The following ACSM1 variants were observed in gnomAD, a reference collection of about 807,000 sequenced individuals.
The protein encoded by ACSM1 is acyl-CoA synthetase medium chain family member 1, also known as acyl-coenzyme A synthetase ACSM1, mitochondrial.
ACSM1 carries 79 observed loss-of-function variants against 75.8 expected under a neutral mutation model. That is an observed-to-expected ratio of 1.04 (90% CI 0.87 to 1.26). The LOEUF (loss-of-function observed/expected upper bound fraction) is 1.26. Among genes scored for constraint, ACSM1 ranks in the 50% most tolerant of loss-of-function variants. The pLI is 0.00. For synonymous variants in ACSM1, 279 were observed against 265.8 expected, an observed-to-expected ratio of 1.05 and a Z score of -0.48; for missense variants, 676 against 720.1, an observed-to-expected ratio of 0.94 and a Z score of 0.70.
chr16:20,637,408 C>A lies in ACSM1; in HGVS notation c.1160G>T (p.Gly387Val). The A allele has an allele frequency of 6.2e-7, 1 of 1,614,118 alleles. No homozygotes were observed. The highest frequency in any genetic ancestry group is 8.5e-7 in the Non-Finnish European group (1 of 1,180,004). Residue 387 changes from glycine (G) to valine (V), a missense_variant, in exon 9 of 14, where the codon GGT becomes GTT. Coordinates refer to ENST00000520010, the MANE Select transcript of ACSM1 (RefSeq NM_001318890.3). ...GGGTGGAGTGGCCTTCCCCATGAAA[C>A]CCGGCTTGATCTTCATTCCCCAGTA... ...ATYWGMKIKPGFMGKATPPYD... is the reference protein window; with the variant it reads ...ATYWGMKIKPVFMGKATPPYD...
At chr16:20,695,733 T>C (rs1171373806) in intron 1 of ACSM1, among the ~76,000 whole-genome samples, 1 of 152,168 alleles carries the variant, frequency 6.6e-6, no homozygotes. Context: ...TCTCCAAGTG[T>C]TGAGGACTGA....
chr16:20,649,555 C>T (rs2152234386), intron 7 of ACSM1, among the ~76,000 whole-genome samples: 1 of 152,310 alleles, frequency 6.6e-6, no homozygotes, highest in East Asian at 1.9e-4. Context: ...TTCTCTCTCT[C>T]TCTCTCTGAT....
chr16:20,658,477 A>G (rs946544724), intron 7 of ACSM1, among the ~76,000 whole-genome samples: 1 of 151,938 alleles, frequency 6.6e-6, no homozygotes, highest in African/African-American at 2.4e-5. Flanking sequence ...TTGACTTAAA[A>G]TCATTTCTAG....
In ACSM1 at chr16:20,625,192, T is replaced by C. The variant is rs149961640; in HGVS notation, c.1527+231A>G. The stretch of plus-strand genomic sequence containing the variant: ...CATAAGTGTTCTTAGATTACTACAT[T>C]GTGTGAGAGTTAAGTGATTTGGCAT... On this transcript the variant is annotated intron_variant, in intron 12 of 13. Coordinates refer to ENST00000520010, the MANE Select transcript of ACSM1 (RefSeq NM_001318890.3). Among the ~76,000 whole-genome samples, 26 of 152,282 alleles carry C rather than the reference T, an allele frequency of 1.7e-4. No individual in the cohort carries two copies. In the East Asian group the frequency reaches 3.9e-3, roughly 23 times the overall value.
intron 7 of ACSM1, among the ~76,000 whole-genome samples, chr16:20,642,728 C>G (rs1052523143): frequency 2.0e-5 from 3 of 152,160 alleles, no homozygotes; most frequent in Non-Finnish European, 2.9e-5. Context: ...CGTAATAGAT[C>G]AAGATGAAAA....
At chr16:20,692,538 G>C (rs1481829092) in intron 1 of ACSM1, among the ~76,000 whole-genome samples, 4 of 152,148 alleles carry the variant, frequency 2.6e-5, no homozygotes, top group Non-Finnish European at 1.5e-5. Context: ...ACGTCAGAGA[G>C]AGAGCAGGTT....
chr16:20,672,716 T>C (rs1221900707), intron 4 of ACSM1, among the ~76,000 whole-genome samples: 4 of 126,492 alleles, frequency 3.2e-5, no homozygotes, highest in African/African-American at 1.3e-4. Context: ...TACATATACA[T>C]GTATATGTAA....
intron 6 of ACSM1, among the ~76,000 whole-genome samples, chr16:20,663,328 A>G (rs1265274222): frequency 1.3e-5 from 2 of 151,732 alleles, no homozygotes; most frequent in Non-Finnish European, 2.9e-5. Flanking sequence ...TCACCTCTTT[A>G]CCCCCACATC....
chr16:20,665,293 A>C (rs114644177), intron 6 of ACSM1, among the ~76,000 whole-genome samples: 2,156 of 152,252 alleles, frequency 0.014, 54 homozygotes, highest in African/African-American at 0.05. Flanking sequence ...AAATAAGCCC[A>C]ATCGGAAATG....
chr16:20,672,486 A>ATATATATATATG (rs2019994205), intron 4 of ACSM1, among the ~76,000 whole-genome samples: 2 of 126,440 alleles, frequency 1.6e-5, no homozygotes, highest in Non-Finnish European at 3.2e-5. Context: ...ATATATATAT[A>ATATATATATATG]TATATATATA....
intron 4 of ACSM1, among the ~76,000 whole-genome samples, chr16:20,676,949 T>C (rs571300555): frequency 2.0e-5 from 3 of 152,066 alleles, no homozygotes; most frequent in African/African-American, 4.8e-5. Flanking sequence ...AGGCAGGACA[T>C]AAAGTGTCAG....
At chr16:20,668,483 T>C (rs2019699111) in intron 6 of ACSM1, among the ~76,000 whole-genome samples, 1 of 152,020 alleles carries the variant, frequency 6.6e-6, no homozygotes, top group South Asian at 2.1e-4. Context: ...GAGGCATTGA[T>C]ATAGAGGTAG....
chr16:20,668,154 G>C (rs2019676310), intron 6 of ACSM1, among the ~76,000 whole-genome samples: 1 of 152,068 alleles, frequency 6.6e-6, no homozygotes, highest in Non-Finnish European at 1.5e-5. Flanking sequence ...TGCACCCTCT[G>C]AATCAAAAAT....
At chr16:20,642,512 G>C (rs1173755137) in intron 7 of ACSM1, among the ~76,000 whole-genome samples, 2 of 152,224 alleles carry the variant, frequency 1.3e-5, no homozygotes, top group Non-Finnish European at 2.9e-5. Context: ...GGGAGACCTT[G>C]AAGCATGGCA....
At chr16:20,683,849 T>C (rs2079498936) in intron 3 of ACSM1, among the ~76,000 whole-genome samples, 1 of 152,108 alleles carries the variant, frequency 6.6e-6, no homozygotes, top group Non-Finnish European at 1.5e-5. Flanking sequence ...ATTATAGGCC[T>C]AAGCCACCAC....
intron 4 of ACSM1, among the ~76,000 whole-genome samples, chr16:20,673,094 A>G (rs908641457): frequency 1.8e-4 from 26 of 146,826 alleles, no homozygotes; most frequent in Non-Finnish European, 3.3e-4. Flanking sequence ...AATTATACTT[A>G]TATATAAATT....
intron 7 of ACSM1, among the ~76,000 whole-genome samples, chr16:20,650,764 C>T (rs2018603746): frequency 6.6e-6 from 1 of 152,002 alleles, no homozygotes; most frequent in Non-Finnish European, 1.5e-5. Context: ...TTTTATGGCA[C>T]CTCCACTTGC....
At chr16:20,634,595 A>G (rs1184210507) in intron 10 of ACSM1, among the ~76,000 whole-genome samples, 1 of 152,236 alleles carries the variant, frequency 6.6e-6, no homozygotes, top group Non-Finnish European at 1.5e-5. Context: ...GCCAAACGCA[A>G]AAGGGCAAAT....
chr16:20,663,904 T>C (rs2019427083), intron 6 of ACSM1, among the ~76,000 whole-genome samples: 1 of 152,170 alleles, frequency 6.6e-6, no homozygotes, highest in Admixed American at 6.6e-5. Context: ...TAGGTAAGAA[T>C]TAGACATCAT....
Sources: gnomAD v4.1 joint callset for allele counts (sites outside exome capture counted in the v4.1 genomes callset) on GRCh38, gnomAD v4.1.1 for gene constraint, MANE v1.5 for transcripts, NCBI Gene and HGNC (gene_info 2026-07-23, HGNC 2026-07-21) for gene names.